LRP1: variants seen among roughly 807,000 people sequenced by gnomAD.
LRP1 encodes prolow-density lipoprotein receptor-related protein 1.
In LRP1, 51 loss-of-function variants were observed where a neutral mutation model predicts 541.5. The ratio of observed to expected loss-of-function variants is 0.09; its 90% CI spans 0.08 to 0.12. The LOEUF is 0.12. Among genes scored for constraint, LRP1 ranks in the 10% least tolerant of loss-of-function variants. LRP1 has a pLI of 1.00. For synonymous variants in LRP1, 2,219 were observed against 2,470.8 expected (o/e 0.90, Z 3.02); for missense variants, 3,878 against 6,376.2 (o/e 0.61, Z 13.34).
At chr12:57,145,204 A>G (rs1309206172) in intron 5 of LRP1, 23 bp from the exon 6 acceptor site, 2 of 1,613,008 alleles carry the variant, frequency 1.2e-6, no homozygotes, top group South Asian at 2.2e-5. Context: ...GGCTGCACGG[A>G]CTCTTCTCTT....
In LRP1 at chr12:57,143,812, T is replaced by A; in HGVS notation, c.448+14T>A. On this transcript the variant is annotated intron_variant, in intron 4 of 88. Coordinates refer to ENST00000243077, the MANE Select transcript of LRP1 (RefSeq NM_002332.3). ...AGACCTGCAAAGGTATGTGAGTGCA[T>A]GTGCCTGTGTGCATGTGTGTGTGCC... The A allele has an allele frequency of 6.2e-7, 1 of 1,610,454 alleles. No individual in the cohort carries two copies. Among genetic ancestry groups the A allele is most frequent in the Non-Finnish European group, 8.5e-7 (1 of 1,177,868 alleles).
rs776675317 is a variant in LRP1 at position 57,179,353 on chromosome 12, C to T, written c.4763C>T (p.Ala1588Val). The T allele has an allele frequency of 6.2e-7, 1 of 1,614,030 alleles. No homozygotes were observed. The highest frequency in any genetic ancestry group is 1.7e-5 in the Admixed American group (1 of 60,020). The change falls in exon 29 of 89, where the codon GCA becomes GTA. Residue 1588 changes from alanine (A) to valine (V), a missense_variant. Physicochemically the swap from Ala to Val is moderately conservative, Grantham distance 64. Transcript: ENST00000243077. This position sits in a 1 kb window ranked among gnomAD's most constrained non-coding sequence, Gnocchi z 6.8. ...GAGTTTAAGAAGTTCCTGCTGTACG[C>T]ACGTCAGATGGAGATCCGAGGTGTG... Reference protein sequence around the residue: ...CYEFKKFLLYARQMEIRGVDL... With the variant: ...CYEFKKFLLYVRQMEIRGVDL...
At position 57,154,634 on chromosome 12, in the gene LRP1, A is replaced by T; in HGVS notation, c.1160A>T (p.Tyr387Phe). The T allele has an allele frequency of 6.2e-7, 1 of 1,600,416 alleles. No individual in the cohort carries two copies. The highest frequency in any genetic ancestry group is 2.3e-5 in the East Asian group (1 of 44,224). ...CGCCTTGTCTACTGGGCAGATGCCT[A>T]TCTGGACTATATTGAAGTGGTGGAC... ...VSRLVYWADAYLDYIEVVDYE... is the reference protein window; with the variant it reads ...VSRLVYWADAFLDYIEVVDYE... Residue 387 changes from tyrosine (Y) to phenylalanine (F), a missense_variant, in exon 8 of 89, where the codon TAT becomes TTT. Tyr to Phe is a conservative substitution (Grantham distance 22). This residue lies in a region of LRP1 where 496 missense variants were observed against 861.0 expected (regional missense o/e 0.58). Coordinates refer to ENST00000243077, the MANE Select transcript of LRP1 (RefSeq NM_002332.3). The surrounding 1 kb of genome is among the most constrained non-coding windows in gnomAD (Gnocchi z 4.6).
intron 1 of LRP1, 185 bp downstream of exon 1, chr12:57,129,216 G>A: frequency 1.6e-6 from 1 of 611,706 alleles, no homozygotes; most frequent in East Asian, 2.8e-5. Context: ...GGGGCCCTGG[G>A]CAAATGATGC....
Position 57,179,752 on chromosome 12 carries a change from C to G in LRP1, c.4967-30C>G. On this transcript the variant is annotated intron_variant, in intron 29 of 88. Transcript: ENST00000243077. The surrounding 1 kb of genome is among the most constrained non-coding windows in gnomAD (Gnocchi z 6.8). ...CCTGACCCACTGCCCTGCAGACACC[C>G]AACAACTGACTCCCTACTTGTGCCC... The G allele has an allele frequency of 6.2e-7, 1 of 1,606,540 alleles. No individual in the cohort carries two copies. Among genetic ancestry groups the G allele is most frequent in the Non-Finnish European group, 8.5e-7 (1 of 1,175,188 alleles).
intron 20 of LRP1, among the ~76,000 whole-genome samples, chr12:57,172,739 G>A (rs182050782): frequency 6.6e-6 from 1 of 152,298 alleles, no homozygotes; most frequent in East Asian, 1.9e-4. Context: ...GTTATGTCTT[G>A]TCTCTCTTCC....
In LRP1 at chr12:57,197,646, T is replaced by C; in HGVS notation, c.9264T>C (p.Leu3088=). ...TQGSMIRRMH[L]NGSNVQVLHR... is the part of the protein sequence containing the mutation. Reference sequence around the variant, plus strand: ...GCAGCATGATCCGAAGGATGCACCTTAACGGGAGCAATGTGCAGGTGAGGC... The same window carrying C: ...GCAGCATGATCCGAAGGATGCACCTCAACGGGAGCAATGTGCAGGTGAGGC... The change falls in exon 58 of 89, where the codon CTT becomes CTC. Residue 3088 remains leucine, a synonymous_variant. Coordinates refer to ENST00000243077, the MANE Select transcript of LRP1 (RefSeq NM_002332.3). The surrounding 1 kb of genome is among the most constrained non-coding windows in gnomAD (Gnocchi z 4.5). The C allele has an allele frequency of 6.2e-7, 1 of 1,613,842 alleles. No individual in the cohort carries two copies.
chr12:57,158,706 G>T lies in LRP1; in HGVS notation c.1798+68G>T. 2 of 1,436,230 alleles carry T rather than the reference G, an allele frequency of 1.4e-6. No individual in the cohort carries two copies. 89.0% of individuals were successfully genotyped at this position (1,436,230 alleles called of 1,614,324 possible). A position where few individuals can be genotyped will look rare whatever the true frequency, so the allele number is the denominator to read the frequency against. On this transcript the variant is annotated intron_variant, in intron 11 of 88. Transcript: ENST00000243077. The surrounding 1 kb of genome is among the most constrained non-coding windows in gnomAD (Gnocchi z 5.3). ...CTGGGGCCCAGGCATCTGTTTCTCGGTGCCCTCTCAGCAGGATGGTCCCCT... is the reference window on the plus strand; with the variant it reads ...CTGGGGCCCAGGCATCTGTTTCTCGTTGCCCTCTCAGCAGGATGGTCCCCT...
Position 57,203,197 on chromosome 12 carries a change from C to T in LRP1, c.10728C>T (p.Ser3576=), listed in dbSNP as rs34436270. 2.2e-3 allele frequency: 3,469 copies of T among 1,601,748 alleles called. 11 individuals carry two copies. The highest frequency in any genetic ancestry group is 3.9e-3 in the South Asian group (350 of 88,952). Reference sequence around the variant, plus strand: ...CCTTCCCAGCCCCTCGGCCCTGCTCCGAGAGTGAGTTCTCCTGTGCCAACG... The same window carrying T: ...CCTTCCCAGCCCCTCGGCCCTGCTCTGAGAGTGAGTTCTCCTGTGCCAACG... ...DEESCTPRPC[S]ESEFSCANGR... is the part of the protein sequence containing the mutation. Residue 3576 remains serine, a synonymous_variant, in exon 69 of 89, where the codon TCC becomes TCT. Coordinates refer to ENST00000243077, the MANE Select transcript of LRP1 (RefSeq NM_002332.3).
intron 1 of LRP1, among the ~76,000 whole-genome samples, chr12:57,134,950 C>CT (rs1262663758): frequency 6.6e-6 from 1 of 152,180 alleles, no homozygotes; most frequent in East Asian, 1.9e-4. Context: ...CATGATCTGC[C>CT]TGCTTCGGCC....
chr12:57,133,771 G>A (rs916494371), intron 1 of LRP1, among the ~76,000 whole-genome samples: 2 of 151,814 alleles, frequency 1.3e-5, no homozygotes, highest in Non-Finnish European at 2.9e-5. Flanking sequence ...CTTAAAAAGG[G>A]CCCCAAGAGT....
In LRP1 at chr12:57,205,318, C is replaced by CAA; in HGVS notation, c.11336-32_11336-31dup. ...AGCCAAGCCCTGGCCTGGGGTGGCT[C>CAA]AAGGGAGGGCATCCACTCTCTGTCC... On this transcript the variant is annotated intron_variant, in intron 73 of 88. Coordinates refer to ENST00000243077, the MANE Select transcript of LRP1 (RefSeq NM_002332.3). This position sits in a 1 kb window ranked among gnomAD's most constrained non-coding sequence, Gnocchi z 4.6. 1 of 1,590,148 alleles carries CAA rather than the reference C, an allele frequency of 6.3e-7. No homozygotes were observed. The highest frequency in any genetic ancestry group is 8.6e-7 in the Non-Finnish European group (1 of 1,166,050).
chr12:57,212,072 C>T lies in LRP1; in HGVS notation c.13350-45C>T. 1 of 1,612,448 alleles carries T rather than the reference C, an allele frequency of 6.2e-7. No individual in the cohort carries two copies. Among genetic ancestry groups the T allele is most frequent in the Non-Finnish European group, 8.5e-7 (1 of 1,178,822 alleles). On this transcript the variant is annotated intron_variant, in intron 87 of 88. Coordinates refer to ENST00000243077, the MANE Select transcript of LRP1 (RefSeq NM_002332.3). The surrounding 1 kb of genome is among the most constrained non-coding windows in gnomAD (Gnocchi z 5.0). ...GTCATTATTTTGCCATCCTAGCCTT[C>T]CCCCCCAATAATCTCTGTCTCCTTA... is the stretch of plus-strand genomic sequence containing the variant.
rs555223761 is a variant in LRP1, at chr12:57,197,938, G to A, written c.9283-218G>A. ...GGCCAAGCACTGTGAGGCTTGGGGC[G>A]TGGTCCCATTCACCTAGAGCCCCCT... On this transcript the variant is annotated intron_variant, in intron 58 of 88. Transcript: ENST00000243077. The surrounding 1 kb of genome is among the most constrained non-coding windows in gnomAD (Gnocchi z 4.5). Among the ~76,000 whole-genome samples, 9 of 152,296 alleles carry A rather than the reference G, an allele frequency of 5.9e-5. No individual in the cohort carries two copies. The highest frequency in any genetic ancestry group is 8.8e-5 in the Non-Finnish European group (6 of 68,020).
At chr12:57,186,451 G>A (rs150323137) in intron 41 of LRP1, among the ~76,000 whole-genome samples, 18 of 152,250 alleles carry the variant, frequency 1.2e-4, no homozygotes, top group African/African-American at 3.6e-4. Flanking sequence ...CTCTTCTTCA[G>A]CCTGGTTACC....
rs776247853 is a variant in LRP1 at position 57,162,460 on chromosome 12, G to A, written c.2346G>A (p.Leu782=). The change falls in exon 14 of 89, where the codon CTG becomes CTA. Residue 782 remains leucine (L), a synonymous_variant. Coordinates refer to ENST00000243077, the MANE Select transcript of LRP1 (RefSeq NM_002332.3). The surrounding 1 kb of genome is among the most constrained non-coding windows in gnomAD (Gnocchi z 5.2). ...GCGCACCCCCCACTGTGACCCTTCT[G>A]CGCAGTGAGCGGCCCCCCATCTTTG... ...VGGAPPTVTL[L]RSERPPIFEI... The A allele has an allele frequency of 1.9e-6, 3 of 1,614,138 alleles. No homozygotes were observed. Among genetic ancestry groups the A allele is most frequent in the Non-Finnish European group, 2.5e-6 (3 of 1,180,022 alleles).
Position 57,204,253 on chromosome 12 carries a change from T to C in LRP1, c.10952-157T>C, listed in dbSNP as rs2036720727. The C allele has an allele frequency of 4.7e-6, 4 of 851,710 alleles. No homozygotes were observed. Among genetic ancestry groups the C allele is most frequent in the Non-Finnish European group, 5.1e-6 (3 of 583,564 alleles). 52.8% of individuals were successfully genotyped at this position (851,710 alleles called of 1,614,324 possible). The stretch of plus-strand genomic sequence containing the variant: ...TCCCCTAAATACCAGAGGGGGCAGT[T>C]TGGCCCCACCAAGTAGAAATTTAAG... On this transcript the variant is annotated intron_variant, in intron 70 of 88. Coordinates refer to ENST00000243077, the MANE Select transcript of LRP1 (RefSeq NM_002332.3). This position sits in a 1 kb window ranked among gnomAD's most constrained non-coding sequence, Gnocchi z 5.3.
Position 57,181,394 on chromosome 12 carries a change from C to T in LRP1, c.5662+103C>T, listed in dbSNP as rs2036164197. On this transcript the variant is annotated intron_variant, in intron 34 of 88. Coordinates refer to ENST00000243077, the MANE Select transcript of LRP1 (RefSeq NM_002332.3). Reference sequence around the variant, plus strand: ...TCTTCTTACCTTGGGGACAAGACTACATTCGTCGTGTAGGGGACACTGGAC... The same window carrying T: ...TCTTCTTACCTTGGGGACAAGACTATATTCGTCGTGTAGGGGACACTGGAC... The T allele has an allele frequency of 4.4e-5, 62 of 1,412,332 alleles. 2 individuals carry two copies. The South Asian group carries it at 6.1e-4, about 14-fold the overall frequency. The allele number at this position is 1,412,332 out of a possible 1,614,324, so 87.5% of individuals were successfully genotyped here. A position where few individuals can be genotyped will look rare whatever the true frequency, so the allele number is the denominator to read the frequency against.
rs143841428 is a variant in LRP1 at position 57,182,037 on chromosome 12, A to C, written c.5662+746A>C. On this transcript the variant is annotated intron_variant, in intron 34 of 88. Transcript: ENST00000243077. The stretch of plus-strand genomic sequence containing the variant: ...ACTTCTCAGAGCCTTGAATATGTTT[A>C]TGTGTGCCAAGAATTTTTCAAGCGT... 1.9e-3 allele frequency among the ~76,000 whole-genome samples: 294 copies of C among 152,230 alleles called. 1 individual carries two copies. Among genetic ancestry groups the C allele is most frequent in the Middle Eastern group, 3.4e-3 (1 of 294 alleles).
Sources: allele counts gnomAD v4.1 joint callset (sites outside exome capture counted in the v4.1 genomes callset), GRCh38; gene constraint gnomAD v4.1.1; regional missense constraint gnomAD v4.1.1; non-coding constraint Gnocchi (gnomAD v3.1); transcripts MANE v1.5; gene names NCBI Gene and HGNC (gene_info 2026-07-23, HGNC 2026-07-21).